The following ERG variants were observed in gnomAD, a reference collection of about 807,000 sequenced individuals.
ERG encodes transcriptional regulator ERG.
Under a neutral mutation model 55.3 loss-of-function variants are expected in ERG, and 9 were observed. The observed-to-expected ratio is 0.16, with a 90% CI of 0.10 to 0.28. The LOEUF is 0.28. Ranked by LOEUF, ERG falls within the 10% of genes least tolerant of loss-of-function variation. The probability of loss-of-function intolerance (pLI) is 1.00; values close to 1 mark genes in which losing one functional copy is unlikely to be tolerated. For synonymous variants in ERG, 223 were observed against 237.3 expected, an observed-to-expected ratio of 0.94 and a Z score of 0.55; for missense variants, 434 against 631.6, an observed-to-expected ratio of 0.69 and a Z score of 3.35.
chr21:38,659,090 T>C (rs1475549015), intron 1 of ERG, among the ~76,000 whole-genome samples: 1 of 152,238 alleles, frequency 6.6e-6, no homozygotes, highest in African/African-American at 2.4e-5. Flanking sequence ...GAATTATATA[T>C]TCCTTAACAA....
intron 8 of ERG, 137 bp from the exon 9 acceptor site, chr21:38,391,179 C>G: frequency 1.4e-6 from 1 of 711,378 alleles, no homozygotes; most frequent in African/African-American, 1.8e-5. Flanking sequence ...AATCAACTGC[C>G]TCCACCTCCT....
At chr21:38,386,164 T>G (rs1011910821) in intron 9 of ERG, among the ~76,000 whole-genome samples, 2 of 152,214 alleles carry the variant, frequency 1.3e-5, no homozygotes, top group African/African-American at 4.8e-5. Flanking sequence ...GCAAACTCTA[T>G]GCCCAAAGGA....
At chr21:38,579,987 A>AT (rs1159682274) in intron 1 of ERG, among the ~76,000 whole-genome samples, 3 of 151,850 alleles carry the variant, frequency 2.0e-5, no homozygotes, top group Non-Finnish European at 4.4e-5. Context: ...CGCCTGGCTA[A>AT]TTTTTTGTAT....
At chr21:38,571,541 A>T (rs2059957789) in intron 2 of ERG, among the ~76,000 whole-genome samples, 1 of 151,812 alleles carries the variant, frequency 6.6e-6, no homozygotes, top group African/African-American at 2.4e-5. Context: ...AATAATAAAT[A>T]AAAAATTTTT....
At chr21:38,595,306 C>A (rs1023023287) in intron 1 of ERG, among the ~76,000 whole-genome samples, 23 of 152,036 alleles carry the variant, frequency 1.5e-4, no homozygotes, top group Non-Finnish European at 3.1e-4. Context: ...ACGATCCAGC[C>A]CAAGGTAATG....
At chr21:38,412,686 T>C (rs1355882146) in intron 3 of ERG, among the ~76,000 whole-genome samples, 6 of 152,250 alleles carry the variant, frequency 3.9e-5, no homozygotes, top group Non-Finnish European at 8.8e-5. Flanking sequence ...CCTTCTTTTA[T>C]GTTCTTCCTT....
At chr21:38,384,767 T>C (rs890683156) in intron 9 of ERG, among the ~76,000 whole-genome samples, 2 of 151,058 alleles carry the variant, frequency 1.3e-5, no homozygotes, top group African/African-American at 4.9e-5. Context: ...TTGCTGGCGC[T>C]CAGAAAGCAA....
At chr21:38,464,217 T>G (rs573138422) in intron 1 of ERG, among the ~76,000 whole-genome samples, 5 of 152,326 alleles carry the variant, frequency 3.3e-5, no homozygotes, top group African/African-American at 1.2e-4. Flanking sequence ...GAACTTTTTG[T>G]TTTCTTGTGG....
chr21:38,651,903 C>T (rs979618231), intron 1 of ERG, among the ~76,000 whole-genome samples: 10 of 152,178 alleles, frequency 6.6e-5, no homozygotes, highest in Non-Finnish European at 1.0e-4. Context: ...AGCCTCACTG[C>T]TATTCTGGAA....
chr21:38,535,403 C>T (rs1407433674), intron 2 of ERG, among the ~76,000 whole-genome samples: 6 of 152,084 alleles, frequency 3.9e-5, no homozygotes, highest in Admixed American at 3.9e-4. Context: ...GTTGTGACTA[C>T]AGATTTTATG....
chr21:38,498,413 G>A lies in ERG; in HGVS notation c.-33C>T. 6.3e-7 allele frequency: 1 copy of A among 1,597,088 alleles called. No individual in the cohort carries two copies. Among genetic ancestry groups the A allele is most frequent in the South Asian group, 1.1e-5 (1 of 88,320 alleles). ...TCAAGTTTATTGATCGTTAATAAAT[G>A]TTAATAATAATTATTGCTTCTCTCT... On this transcript the variant is annotated 5_prime_UTR_variant, in exon 1 of 10. Transcript: ENST00000288319. This position sits in a 1 kb window ranked among gnomAD's most constrained non-coding sequence, Gnocchi z 4.6.
intron 2 of ERG, among the ~76,000 whole-genome samples, chr21:38,552,224 A>C (rs898083695): frequency 2.2e-4 from 34 of 152,316 alleles, no homozygotes; most frequent in African/African-American, 7.7e-4. Context: ...CCTAGACCAG[A>C]GAGATTCACA....
chr21:38,633,798 G>A (rs766986111), intron 1 of ERG, among the ~76,000 whole-genome samples: 1 of 151,442 alleles, frequency 6.6e-6, no homozygotes, highest in African/African-American at 2.4e-5. Context: ...TTGAAGTGCC[G>A]AATTATTTCA....
intron 1 of ERG, among the ~76,000 whole-genome samples, chr21:38,464,616 G>A (rs142864621): frequency 6.6e-6 from 1 of 152,114 alleles, no homozygotes; most frequent in African/African-American, 2.4e-5. Context: ...TGCAGAACAT[G>A]CAGGTTTGTT....
chr21:38,619,284 C>T (rs911643379), intron 1 of ERG, among the ~76,000 whole-genome samples: 4 of 152,186 alleles, frequency 2.6e-5, no homozygotes, highest in Admixed American at 6.5e-5. Context: ...GAGCCTTGGG[C>T]ACATATTTCT....
At chr21:38,427,659 T>G (rs1173755887) in intron 2 of ERG, among the ~76,000 whole-genome samples, 1 of 152,172 alleles carries the variant, frequency 6.6e-6, no homozygotes, top group Non-Finnish European at 1.5e-5. Flanking sequence ...CAATGTCTTT[T>G]CAAAGGTAAC....
chr21:38,439,952 C>A, intron 2 of ERG, among the ~76,000 whole-genome samples: 1 of 152,144 alleles, frequency 6.6e-6, no homozygotes, highest in Non-Finnish European at 1.5e-5. Context: ...TATTCCCAAG[C>A]TGGGTATTCT....
chr21:38,619,871 C>T (rs931710536), intron 1 of ERG, among the ~76,000 whole-genome samples: 1 of 152,150 alleles, frequency 6.6e-6, no homozygotes, highest in African/African-American at 2.4e-5. Flanking sequence ...AGGAAGAAAA[C>T]ATGTAGGTTA....
chr21:38,472,620 C>T (rs1167742863), intron 1 of ERG, among the ~76,000 whole-genome samples: 1 of 152,162 alleles, frequency 6.6e-6, no homozygotes, highest in Non-Finnish European at 1.5e-5. Flanking sequence ...ATTGCGCAGG[C>T]CTCCACAGGG....
Sources: allele counts gnomAD v4.1 joint callset (sites outside exome capture counted in the v4.1 genomes callset), GRCh38; gene constraint gnomAD v4.1.1; non-coding constraint Gnocchi (gnomAD v3.1); transcripts MANE v1.5; gene names NCBI Gene and HGNC (gene_info 2026-07-23, HGNC 2026-07-21).